Variants in ABTB3 observed in about 807,000 individuals in gnomAD.
The protein encoded by ABTB3 is ankyrin repeat and BTB domain containing 3, also known as ankyrin repeat- and BTB/POZ domain-containing protein 3.
chr12:107,432,632 A>T, the ABTB3 span, among the ~76,000 whole-genome samples: 2 of 152,144 alleles, frequency 1.3e-5, no homozygotes, highest in East Asian at 3.9e-4. Flanking sequence ...GGATGAATGG[A>T]TGGGAGTTTA....
chr12:107,376,103 G>A, the ABTB3 span, among the ~76,000 whole-genome samples: 3 of 152,094 alleles, frequency 2.0e-5, no homozygotes, highest in East Asian at 3.9e-4. Context: ...CATGGCCCCC[G>A]TCCTCACTTC....
chr12:107,582,430 C>T, the ABTB3 span, among the ~76,000 whole-genome samples: 2 of 152,108 alleles, frequency 1.3e-5, no homozygotes, highest in African/African-American at 4.8e-5. Context: ...AGTCCAGAGC[C>T]CTGGGATCAT....
chr12:107,638,135 G>A, the ABTB3 span, among the ~76,000 whole-genome samples: 2 of 152,086 alleles, frequency 1.3e-5, no homozygotes, highest in African/African-American at 4.8e-5. Flanking sequence ...TTACACAGGT[G>A]ATTTTTACCG....
At chr12:107,390,157 C>A in the ABTB3 span, among the ~76,000 whole-genome samples, 11 of 152,288 alleles carry the variant, frequency 7.2e-5, 1 homozygote, top group South Asian at 2.3e-3. Flanking sequence ...CAGAGATCAG[C>A]TACCACAGTG....
At chr12:107,423,641 C>T in the ABTB3 span, among the ~76,000 whole-genome samples, 2 of 152,054 alleles carry the variant, frequency 1.3e-5, no homozygotes, top group Non-Finnish European at 2.9e-5. Flanking sequence ...ATTTGGAGCC[C>T]GTGATGCCAA....
chr12:107,597,584 C>T, the ABTB3 span, among the ~76,000 whole-genome samples: 1 of 152,184 alleles, frequency 6.6e-6, no homozygotes, highest in Non-Finnish European at 1.5e-5. Flanking sequence ...AAAACACTAC[C>T]ACAATAGCAA....
At chr12:107,542,270 C>G in the ABTB3 span, among the ~76,000 whole-genome samples, 6 of 143,330 alleles carry the variant, frequency 4.2e-5, no homozygotes, top group Non-Finnish European at 8.9e-5. Context: ...CGAGATCGCA[C>G]CACTGCACTC....
the ABTB3 span, among the ~76,000 whole-genome samples, chr12:107,544,309 G>A: frequency 6.6e-6 from 1 of 152,150 alleles, no homozygotes; most frequent in Admixed American, 6.5e-5. Flanking sequence ...GACCCGTGTG[G>A]GGGTCCTTGA....
the ABTB3 span, among the ~76,000 whole-genome samples, chr12:107,429,295 A>G: frequency 6.6e-6 from 1 of 152,210 alleles, no homozygotes; most frequent in African/African-American, 2.4e-5. Flanking sequence ...CAGGGCTTGC[A>G]TATAGGTAGC....
the ABTB3 span, among the ~76,000 whole-genome samples, chr12:107,481,567 A>G: frequency 6.6e-6 from 1 of 152,120 alleles, no homozygotes; most frequent in South Asian, 2.1e-4. Flanking sequence ...TTAGAGAAGA[A>G]GGCATGGAAG....
the ABTB3 span, among the ~76,000 whole-genome samples, chr12:107,447,350 C>G: frequency 2.0e-5 from 3 of 152,180 alleles, no homozygotes; most frequent in South Asian, 6.2e-4. Flanking sequence ...ACATGTTGGT[C>G]AGGCTAGTCT....
At chr12:107,412,557 C>G in the ABTB3 span, among the ~76,000 whole-genome samples, 181 of 152,122 alleles carry the variant, frequency 1.2e-3, 1 homozygote, top group Admixed American at 2.7e-3. Context: ...TTCACAGGTC[C>G]GAAAACTGGG....
the ABTB3 span, among the ~76,000 whole-genome samples, chr12:107,361,799 AC>A: frequency 3.3e-5 from 5 of 152,070 alleles, no homozygotes; most frequent in African/African-American, 1.2e-4. Context: ...TTTGTGTCCC[AC>A]CCCGCCACCT....
chr12:107,580,754 A>G, the ABTB3 span: 1 of 1,404,178 alleles, frequency 7.1e-7, no homozygotes, highest in Non-Finnish European at 9.4e-7. Context: ...AATAGAAATA[A>G]CACGGGGCGC....
At chr12:107,376,187 CT>C in the ABTB3 span, among the ~76,000 whole-genome samples, 1 of 152,132 alleles carries the variant, frequency 6.6e-6, no homozygotes, top group African/African-American at 2.4e-5. Flanking sequence ...CAGCCATCCC[CT>C]TCTGTCATCT....
At chr12:107,353,406 G>C in the ABTB3 span, among the ~76,000 whole-genome samples, 1 of 152,176 alleles carries the variant, frequency 6.6e-6, no homozygotes, top group African/African-American at 2.4e-5. Flanking sequence ...ACAGAGCACA[G>C]TGGATATTGA....
chr12:107,417,233 C>T, the ABTB3 span, among the ~76,000 whole-genome samples: 4 of 152,148 alleles, frequency 2.6e-5, no homozygotes, highest in Non-Finnish European at 4.4e-5. Context: ...CGTCTGCCAC[C>T]GGCTGGCCTT....
chr12:107,381,571 G>A, the ABTB3 span, among the ~76,000 whole-genome samples: 2 of 152,250 alleles, frequency 1.3e-5, no homozygotes, highest in African/African-American at 4.8e-5. Flanking sequence ...CTTCCTCAGG[G>A]CTGGGCAGTG....
chr12:107,542,398 G>T, the ABTB3 span, among the ~76,000 whole-genome samples: 3 of 151,982 alleles, frequency 2.0e-5, no homozygotes, highest in African/African-American at 7.2e-5. Flanking sequence ...TGAGATGATC[G>T]TAAGTAGGAC....
Sources: allele counts gnomAD v4.1 joint callset (sites outside exome capture counted in the v4.1 genomes callset), GRCh38; gene constraint gnomAD v4.1.1; transcripts MANE v1.5; gene names NCBI Gene and HGNC (gene_info 2026-07-23, HGNC 2026-07-21).